CD96: variants seen among roughly 807,000 people sequenced by gnomAD.
CD96 encodes CD96 molecule.
A neutral mutation model predicts 71.3 loss-of-function variants in CD96; 70 were observed. The observed-to-expected ratio is 0.98, with a 90% CI of 0.81 to 1.20. The LOEUF (loss-of-function observed/expected upper bound fraction) is 1.20. CD96 is among the 50% of genes most tolerant of loss of function. The pLI, the probability that CD96 is intolerant of heterozygous loss-of-function variation, is 0.00. For missense variants in CD96, 742 were observed against 677.5 expected (o/e 1.10, Z -1.06); for synonymous variants, 248 against 233.0 (o/e 1.06, Z -0.59).
At chr3:111,591,646 A>C (rs1227223693) in intron 5 of CD96, among the ~76,000 whole-genome samples, 1 of 152,216 alleles carries the variant, frequency 6.6e-6, no homozygotes, top group African/African-American at 2.4e-5. Context: ...CCAAATGTCC[A>C]GCCGTCGTCA....
chr3:111,544,867 T>C (rs1366547098), intron 1 of CD96, among the ~76,000 whole-genome samples, 179 bp from the exon 2 acceptor site: 2 of 152,220 alleles, frequency 1.3e-5, no homozygotes, highest in Non-Finnish European at 2.9e-5. Flanking sequence ...TGCCTCCTCA[T>C]TTATATTGTC....
intron 2 of CD96, among the ~76,000 whole-genome samples, chr3:111,567,115 A>G (rs1255716822): frequency 2.0e-5 from 3 of 152,148 alleles, no homozygotes; most frequent in Non-Finnish European, 4.4e-5. Flanking sequence ...TTTCTGCTCA[A>G]TTTTGCTGTG....
At chr3:111,664,249 A>T (rs1940428036) in intron 14 of CD96, among the ~76,000 whole-genome samples, 1 of 152,244 alleles carries the variant, frequency 6.6e-6, no homozygotes, top group Non-Finnish European at 1.5e-5. Context: ...TCAAAAATAT[A>T]GAATCAACCC....
At chr3:111,638,715 G>C (rs1939453502) in intron 12 of CD96, among the ~76,000 whole-genome samples, 1 of 152,120 alleles carries the variant, frequency 6.6e-6, no homozygotes, top group Non-Finnish European at 1.5e-5. Flanking sequence ...TCAACTTCAG[G>C]GGTGTTCACT....
At chr3:111,622,222 A>G (rs1938550396) in intron 8 of CD96, among the ~76,000 whole-genome samples, 1 of 152,196 alleles carries the variant, frequency 6.6e-6, no homozygotes, top group Non-Finnish European at 1.5e-5. Flanking sequence ...GTTACCTTAG[A>G]TCAACTTTCT....
At chr3:111,596,076 T>G (rs975761567) in intron 5 of CD96, among the ~76,000 whole-genome samples, 8 of 151,830 alleles carry the variant, frequency 5.3e-5, no homozygotes, top group Admixed American at 4.6e-4. Context: ...GCAAGAGAAT[T>G]GCTTGAACCC....
At chr3:111,587,691 A>G (rs1276573207) in intron 5 of CD96, among the ~76,000 whole-genome samples, 1 of 152,210 alleles carries the variant, frequency 6.6e-6, no homozygotes, top group Admixed American at 6.5e-5. Flanking sequence ...GCATCCAGGC[A>G]TTCCCATACA....
chr3:111,596,261 T>TA (rs1485787964), intron 5 of CD96, among the ~76,000 whole-genome samples: 1 of 151,016 alleles, frequency 6.6e-6, no homozygotes. Context: ...ACAGTTAAAT[T>TA]AAAATAGAAA....
At chr3:111,638,297 G>C in intron 12 of CD96, 129 bp downstream of exon 12, 1 of 735,688 alleles carries the variant, frequency 1.4e-6, no homozygotes, top group Non-Finnish European at 2.5e-6. Context: ...GCTTTTTGAA[G>C]ATTATAATCT....
At position 111,577,499 on chromosome 3, in the gene CD96, T is replaced by G. The variant is rs1382802076; in HGVS notation, c.544-1528T>G. ...CCCTTCTTCTTTTGCTCTTCTTCCTTAGGAAAACAGCAGCACGGATTCTTG... is the reference window on the plus strand; with the variant it reads ...CCCTTCTTCTTTTGCTCTTCTTCCTGAGGAAAACAGCAGCACGGATTCTTG... On this transcript the variant is annotated intron_variant, in intron 3 of 13. Coordinates refer to ENST00000352690, the MANE Select transcript of CD96 (RefSeq NM_005816.5). 1 of 1,599,974 alleles carries G rather than the reference T, an allele frequency of 6.3e-7. No individual in the cohort carries two copies. Among genetic ancestry groups the G allele is most frequent in the Admixed American group, 1.7e-5 (1 of 60,010 alleles).
downstream of CD96, among the ~76,000 whole-genome samples, chr3:111,652,576 T>G (rs535396623): frequency 4.3e-4 from 66 of 152,262 alleles, no homozygotes; most frequent in South Asian, 1.7e-3. Context: ...CTCTGTGTTT[T>G]TATATTAGCT....
At chr3:111,589,523 T>C (rs1188047125) in intron 5 of CD96, among the ~76,000 whole-genome samples, 1 of 152,266 alleles carries the variant, frequency 6.6e-6, no homozygotes, top group Non-Finnish European at 1.5e-5. Context: ...GGCTTGTCTA[T>C]GGATCTTTTC....
intron 3 of CD96, among the ~76,000 whole-genome samples, chr3:111,578,606 G>T (rs1353812579): frequency 6.6e-6 from 1 of 152,176 alleles, no homozygotes; most frequent in African/African-American, 2.4e-5. Flanking sequence ...GGAATTTAGG[G>T]ATAGCTGTAA....
intron 8 of CD96, among the ~76,000 whole-genome samples, chr3:111,614,751 C>CA (rs1389742211): frequency 6.6e-6 from 1 of 152,194 alleles, no homozygotes; most frequent in Non-Finnish European, 1.5e-5. Context: ...ACTAACCAAC[C>CA]ATGGACTCCT....
intron 5 of CD96, among the ~76,000 whole-genome samples, chr3:111,587,593 G>T (rs1426060906): frequency 6.6e-6 from 1 of 152,212 alleles, no homozygotes; most frequent in Non-Finnish European, 1.5e-5. Context: ...GGGACTACTT[G>T]TGGGGCCTCC....
downstream of CD96, among the ~76,000 whole-genome samples, chr3:111,652,596 A>C (rs1232081944): frequency 6.6e-6 from 1 of 152,152 alleles, no homozygotes; most frequent in Non-Finnish European, 1.5e-5. Flanking sequence ...TCTTCTTTGA[A>C]GTACACTCTT....
chr3:111,646,525 G>T (rs1389124793), intron 12 of CD96, among the ~76,000 whole-genome samples: 4 of 150,954 alleles, frequency 2.6e-5, no homozygotes, highest in Admixed American at 2.6e-4. Flanking sequence ...AGTTAGAATG[G>T]CTATTACTGA....
Position 111,542,276 on chromosome 3 carries a change from G to C in CD96, c.28G>C (p.Val10Leu), listed in dbSNP as rs1453499341. The C allele has an allele frequency of 1.9e-6, 3 of 1,613,674 alleles. No homozygotes were observed. Among genetic ancestry groups the C allele is most frequent in the Non-Finnish European group, 2.5e-6 (3 of 1,179,680 alleles). ...GGAGAAAAAATGGAAATACTGTGCT[G>C]TCTATTACATCATCCAGATACATTT... Reference protein sequence around the residue: MEKKWKYCAVYYIIQIHFVK... With the variant: MEKKWKYCALYYIIQIHFVK... Residue 10 changes from valine to leucine, a missense_variant, in exon 1 of 14, where the codon GTC becomes CTC. By Grantham distance (32) the Val-to-Leu change is conservative. Coordinates refer to ENST00000352690, the MANE Select transcript of CD96 (RefSeq NM_005816.5).
chr3:111,637,211 C>A lies in CD96; in HGVS notation c.1337C>A (p.Pro446His). 2 of 1,581,144 alleles carry A rather than the reference C, an allele frequency of 1.3e-6. No individual in the cohort carries two copies. Among genetic ancestry groups the A allele is most frequent in the Non-Finnish European group, 1.7e-6 (2 of 1,149,928 alleles). ...CTTCCTTTAGCAGTTTCACGGATACCTAGTGAAACATACAGTTCATCCCCG... is the reference window on the plus strand; with the variant it reads ...CTTCCTTTAGCAGTTTCACGGATACATAGTGAAACATACAGTTCATCCCCG... ...TDTKKSVSRI[P>H]SETYSSSPSG... The change falls in exon 11 of 14, where the codon CCT becomes CAT. Residue 446 changes from proline to histidine, a missense_variant. Transcript: ENST00000352690.
Sources: gnomAD v4.1 joint callset for allele counts (sites outside exome capture counted in the v4.1 genomes callset) on GRCh38, gnomAD v4.1.1 for gene constraint, MANE v1.5 for transcripts, NCBI Gene and HGNC (gene_info 2026-07-23, HGNC 2026-07-21) for gene names.